The following ACYP2 variants were observed in gnomAD, a reference collection of about 807,000 sequenced individuals.
ACYP2 encodes the protein acylphosphatase 2, also known as acylphosphatase-2.
ACYP2 carries 12 observed loss-of-function variants against 11.2 expected under a neutral mutation model. That is an observed-to-expected ratio of 1.08 (90% CI 0.69 to 1.74). The LOEUF (loss-of-function observed/expected upper bound fraction) is 1.74. ACYP2 is among the 40% of genes most tolerant of loss of function. The pLI, the probability that ACYP2 is intolerant of heterozygous loss-of-function variation, is 0.00. For synonymous variants in ACYP2, 43 were observed against 32.2 expected (o/e 1.33, Z -1.13); for missense variants, 134 against 101.9 (o/e 1.31, Z -1.35).
intron 6 of ACYP2, among the ~76,000 whole-genome samples, chr2:54,167,243 T>C (rs1683023256): frequency 6.6e-6 from 1 of 152,234 alleles, no homozygotes; most frequent in Admixed American, 6.5e-5. Flanking sequence ...TGTTCATTGT[T>C]TCTCCTAGCT....
Position 54,046,595 on chromosome 2 carries a change from C to T in ACYP2, c.63-4363C>T, listed in dbSNP as rs140043572. Among the ~76,000 whole-genome samples, 831 of 151,802 alleles carry T rather than the reference C, an allele frequency of 5.5e-3. 9 individuals are homozygous for T. Among genetic ancestry groups the T allele is most frequent in the African/African-American group, 0.019 (777 of 41,326 alleles). On this transcript the variant is annotated intron_variant, in intron 2 of 6. Transcript: ENST00000607452. ...ACCTCTTTCAGTGGAGATACGGCCTCGACAAAATATTTGTTGAATTAGGTT... is the reference window on the plus strand; with the variant it reads ...ACCTCTTTCAGTGGAGATACGGCCTTGACAAAATATTTGTTGAATTAGGTT...
rs552161434 is a variant in ACYP2 at position 54,043,857 on chromosome 2, G to T, written c.63-7101G>T. 8.5e-5 allele frequency among the ~76,000 whole-genome samples: 13 copies of T among 152,128 alleles called. No homozygotes were observed. In the East Asian group the frequency reaches 2.5e-3, roughly 29 times the overall value. ...AAATCCTAAAGTGTGAAGAGTCTCG[G>T]CTGGGGGCTAGCTGTGATTCCTCCT... On this transcript the variant is annotated intron_variant, in intron 2 of 6. Coordinates refer to ENST00000607452, the MANE Select transcript of ACYP2 (RefSeq NM_001320586.2).
intron 4 of ACYP2, among the ~76,000 whole-genome samples, chr2:54,102,658 A>T (rs1266217691): frequency 1.2e-5 from 1 of 85,048 alleles, no homozygotes; most frequent in African/African-American, 3.3e-5. Context: ...AAAAAAAAAA[A>T]AAAAAAAAAA....
intron 6 of ACYP2, among the ~76,000 whole-genome samples, chr2:54,219,905 A>ATATATATATTTT (rs1288814375): frequency 2.2e-3 from 165 of 75,858 alleles, no homozygotes; most frequent in Middle Eastern, 0.017. Context: ...ATATATATAT[A>ATATATATATTTT]TTTTTTTTTT....
intron 6 of ACYP2, among the ~76,000 whole-genome samples, chr2:54,140,104 T>C (rs1479556146): frequency 2.0e-5 from 3 of 152,172 alleles, no homozygotes; most frequent in Non-Finnish European, 4.4e-5. Flanking sequence ...TTTCACAAAC[T>C]GTGGGGTGAC....
At chr2:54,006,394 G>T (rs1022517237) in intron 2 of ACYP2, among the ~76,000 whole-genome samples, 3 of 152,018 alleles carry the variant, frequency 2.0e-5, no homozygotes, top group Non-Finnish European at 4.4e-5. Context: ...TGATCCACCC[G>T]CCTCGGCCTC....
intron 6 of ACYP2, among the ~76,000 whole-genome samples, chr2:54,284,222 A>C (rs1401767301): frequency 6.6e-6 from 1 of 152,222 alleles, no homozygotes; most frequent in Non-Finnish European, 1.5e-5. Context: ...TTGTAGGCCA[A>C]AGCAGGCTCC....
chr2:54,262,674 ATTTTC>A (rs79704540), intron 6 of ACYP2, among the ~76,000 whole-genome samples: 65,492 of 150,914 alleles, frequency 0.43, 14,346 homozygotes, highest in South Asian at 0.56. Flanking sequence ...AATTCCTATT[ATTTTC>A]TTGAGTTGTC....
chr2:54,050,852 G>A (rs990736267), intron 2 of ACYP2: 22 of 371,162 alleles, frequency 5.9e-5, no homozygotes, highest in African/African-American at 1.9e-4. Flanking sequence ...ATGGCTCACT[G>A]CAGCCTTGAA....
At chr2:54,130,546 AAG>A (rs1491326340) in intron 4 of ACYP2, among the ~76,000 whole-genome samples, 1 of 152,150 alleles carries the variant, frequency 6.6e-6, no homozygotes, top group Non-Finnish European at 1.5e-5. Flanking sequence ...AATACACTGT[AAG>A]GGGGGCAGAA....
chr2:54,020,206 C>G (rs193111126), intron 2 of ACYP2, among the ~76,000 whole-genome samples: 1 of 151,878 alleles, frequency 6.6e-6, no homozygotes, highest in African/African-American at 2.4e-5. Flanking sequence ...CAAAGTGCTG[C>G]GATTACAGGC....
At chr2:54,099,253 T>C (rs1168861999) in intron 4 of ACYP2, among the ~76,000 whole-genome samples, 1 of 152,270 alleles carries the variant, frequency 6.6e-6, no homozygotes, top group East Asian at 1.9e-4. Flanking sequence ...AATTAACGTA[T>C]GCATTACCTC....
At position 54,050,883 on chromosome 2, in the gene ACYP2, T is replaced by G. The variant is rs901841716; in HGVS notation, c.63-75T>G. On this transcript the variant is annotated intron_variant, in intron 2 of 6. Transcript: ENST00000607452. ...TTGAACTCCTGGGCTCAAGCAATCCTCCTGCCTCAGCCTTCTGAGTAGCTG... is the reference window on the plus strand; with the variant it reads ...TTGAACTCCTGGGCTCAAGCAATCCGCCTGCCTCAGCCTTCTGAGTAGCTG... The G allele has an allele frequency of 2.1e-5, 8 of 386,290 alleles. No individual in the cohort carries two copies. The East Asian group carries it at 2.9e-4, about 14-fold the overall frequency. The allele number at this position is 386,290 out of a possible 1,614,324, so 23.9% of individuals were successfully genotyped here.
chr2:54,062,860 G>GA (rs1676540967), intron 4 of ACYP2, among the ~76,000 whole-genome samples: 1 of 152,120 alleles, frequency 6.6e-6, no homozygotes, highest in South Asian at 2.1e-4. Context: ...GAACAAAAAA[G>GA]AAAAAACAGG....
chr2:54,090,140 G>T (rs1183749950), intron 4 of ACYP2, among the ~76,000 whole-genome samples: 1 of 139,838 alleles, frequency 7.2e-6, no homozygotes, highest in Non-Finnish European at 1.6e-5. Flanking sequence ...ATGATACTCC[G>T]TCTCAAAAAA....
chr2:54,131,732 A>T (rs773674119), intron 4 of ACYP2, among the ~76,000 whole-genome samples: 1 of 152,262 alleles, frequency 6.6e-6, no homozygotes, highest in Non-Finnish European at 1.5e-5. Flanking sequence ...TCTCCTTTTG[A>T]TGCAATTCTT....
intron 4 of ACYP2, among the ~76,000 whole-genome samples, chr2:54,100,086 T>A (rs992276329): frequency 2.6e-5 from 4 of 152,238 alleles, no homozygotes; most frequent in Non-Finnish European, 5.9e-5. Context: ...GTGTATCACA[T>A]ACTCTTTTCT....
chr2:54,080,692 T>A (rs1001545486), intron 4 of ACYP2, among the ~76,000 whole-genome samples: 3 of 152,158 alleles, frequency 2.0e-5, no homozygotes, highest in African/African-American at 7.2e-5. Context: ...TTTCACCATG[T>A]TGACCAGGCT....
chr2:54,244,075 A>C (rs1162365664), intron 6 of ACYP2, among the ~76,000 whole-genome samples: 1 of 152,144 alleles, frequency 6.6e-6, no homozygotes, highest in Non-Finnish European at 1.5e-5. Flanking sequence ...TTACTCCTTT[A>C]GAATTTACCT....
Sources: allele counts gnomAD v4.1 joint callset (sites outside exome capture counted in the v4.1 genomes callset), GRCh38; gene constraint gnomAD v4.1.1; transcripts MANE v1.5; gene names NCBI Gene and HGNC (gene_info 2026-07-23, HGNC 2026-07-21).